EXD3: variants seen among roughly 807,000 people sequenced by gnomAD.
EXD3 encodes the protein exonuclease 3'-5' domain containing 3, also known as exonuclease mut-7 homolog.
A neutral mutation model predicts 98.0 loss-of-function variants in EXD3; 92 were observed. The ratio of observed to expected loss-of-function variants is 0.94; its 90% CI spans 0.79 to 1.12. The LOEUF (loss-of-function observed/expected upper bound fraction) is 1.12. Ranked by LOEUF, EXD3 falls within the 50% of genes most tolerant of loss-of-function variation. EXD3 has a pLI of 0.00. For missense variants in EXD3, 1,222 were observed against 1,191.6 expected (o/e 1.03, Z -0.38); for synonymous variants, 569 against 526.0 (o/e 1.08, Z -1.12).
At chr9:137,388,208 C>CA (rs1275860695) in intron 2 of EXD3, among the ~76,000 whole-genome samples, 1 of 152,144 alleles carries the variant, frequency 6.6e-6, no homozygotes, top group Non-Finnish European at 1.5e-5. Context: ...CTGGCTTCCC[C>CA]CCCAGCCACC....
chr9:137,415,308 G>A (rs1263547259), intron 1 of EXD3, among the ~76,000 whole-genome samples: 5 of 151,244 alleles, frequency 3.3e-5, no homozygotes, highest in East Asian at 1.9e-4. Context: ...GGTTCAAACC[G>A]TTTTCCTGCC....
In EXD3 at chr9:137,306,957, G is replaced by A. The variant is rs770410177; in HGVS notation, c.2624C>T (p.Pro875Leu). Residue 875 changes from proline (P) to leucine (L), a missense_variant, in exon 22 of 22, where the codon CCC becomes CTC. Physicochemically the swap from Pro to Leu is moderately conservative, Grantham distance 98. Coordinates refer to ENST00000340951, the MANE Select transcript of EXD3 (RefSeq NM_017820.5). ...TTTATTGTCTGGCTGTCCTCAGAAG[G>A]GACTGCTGGCCGGGCTGGGGGCTGG... ...PSPAPSPASS[P>L]F The A allele has an allele frequency of 2.5e-6, 4 of 1,577,586 alleles. No individual in the cohort carries two copies. The highest frequency in any genetic ancestry group is 2.7e-5 in the African/African-American group (2 of 74,326).
chr9:137,372,975 A>G lies in EXD3; in HGVS notation c.392T>C (p.Leu131Pro). The G allele has an allele frequency of 1.9e-6, 3 of 1,604,312 alleles. No individual in the cohort carries two copies. The South Asian group carries it at 3.3e-5, about 18-fold the overall frequency. ...LAAPLASIFQ[L>P]QDADRSCLLA... ...CAGGCAGCTCCTGTCTGCATCCTGC[A>G]GCTGGAAGATGCTGGCCAGTGGTGC... Residue 131 changes from leucine to proline, a missense_variant, in exon 5 of 22, where the codon CTG becomes CCG. Transcript: ENST00000340951.
At chr9:137,401,313 C>T (rs1837473143) in intron 1 of EXD3, among the ~76,000 whole-genome samples, 1 of 152,102 alleles carries the variant, frequency 6.6e-6, no homozygotes, top group Non-Finnish European at 1.5e-5. Flanking sequence ...GCCACCACAC[C>T]CGACTAAATA....
chr9:137,309,761 G>C, intron 19 of EXD3, 61 bp from the exon 20 acceptor site: 1 of 1,294,844 alleles, frequency 7.7e-7, no homozygotes, highest in South Asian at 1.3e-5. Context: ...CCATACCCCA[G>C]CCCTCTGCTC....
intron 19 of EXD3, among the ~76,000 whole-genome samples, chr9:137,321,720 T>C (rs1832040913): frequency 6.6e-6 from 1 of 152,102 alleles, no homozygotes; most frequent in South Asian, 2.1e-4. Flanking sequence ...CTGGGCTTGT[T>C]GGAGCAGCCC....
At chr9:137,397,053 C>T (rs1433598031) in intron 1 of EXD3, among the ~76,000 whole-genome samples, 4 of 152,226 alleles carry the variant, frequency 2.6e-5, no homozygotes, top group Non-Finnish European at 5.9e-5. Context: ...CCCCGAGCCT[C>T]CCAGGACCCG....
Position 137,398,653 on chromosome 9 carries a change from A to G in EXD3, c.-47-3249T>C, listed in dbSNP as rs558899999. 3.2e-3 allele frequency among the ~76,000 whole-genome samples: 470 copies of G among 147,042 alleles called. 5 individuals are homozygous for G. The highest frequency in any genetic ancestry group is 0.011 in the African/African-American group (432 of 39,002). ...ACACACAGGCACCCGCGTCCCCAAG[A>G]CACACAGGCGACCGCGTCCCCAAGA... On this transcript the variant is annotated intron_variant, in intron 1 of 21. Coordinates refer to ENST00000340951, the MANE Select transcript of EXD3 (RefSeq NM_017820.5).
intron 2 of EXD3, among the ~76,000 whole-genome samples, chr9:137,388,610 G>C (rs1401401307): frequency 6.6e-6 from 1 of 152,110 alleles, no homozygotes; most frequent in African/African-American, 2.4e-5. Flanking sequence ...GCCGACCCCA[G>C]CAGCGGGCGC....
At chr9:137,404,544 T>C (rs944967677) in intron 1 of EXD3, among the ~76,000 whole-genome samples, 1 of 152,216 alleles carries the variant, frequency 6.6e-6, no homozygotes, top group African/African-American at 2.4e-5. Context: ...ATTTGCAAAT[T>C]CTGAAAAATC....
In EXD3 at chr9:137,309,765, T is replaced by C. The variant is rs550942592; in HGVS notation, c.2185-65A>G. On this transcript the variant is annotated intron_variant, in intron 19 of 21. Transcript: ENST00000340951. Reference sequence around the variant, plus strand: ...CTCCGGGTGCCCCATACCCCAGCCCTCTGCTCGCTCCTCGAAGCTCTGGGT... The same window carrying C: ...CTCCGGGTGCCCCATACCCCAGCCCCCTGCTCGCTCCTCGAAGCTCTGGGT... The C allele has an allele frequency of 8.9e-6, 11 of 1,236,748 alleles. No individual in the cohort carries two copies. The South Asian group carries it at 1.2e-4, about 13-fold the overall frequency. 76.6% of individuals were successfully genotyped at this position (1,236,748 alleles called of 1,614,324 possible). A position where few individuals can be genotyped will look rare whatever the true frequency, so the allele number is the denominator to read the frequency against.
chr9:137,373,321 CT>C, intron 4 of EXD3, 104 bp downstream of exon 4: 1 of 1,382,678 alleles, frequency 7.2e-7, no homozygotes, highest in Non-Finnish European at 9.8e-7. Context: ...CCTTCCCTGG[CT>C]TGCTGAGCGG....
intron 7 of EXD3, 28 bp downstream of exon 7, chr9:137,366,465 C>A (rs1392111573): frequency 3.3e-6 from 5 of 1,535,612 alleles, no homozygotes; most frequent in Admixed American, 2.0e-5. Context: ...CCATCTGGTG[C>A]CAGCTGCCAG....
rs1837058048 is a variant in EXD3, at chr9:137,393,676, A to C, written c.55+1627T>G. 6.6e-6 allele frequency among the ~76,000 whole-genome samples: 1 copy of C among 152,188 alleles called. No individual in the cohort carries two copies. On this transcript the variant is annotated intron_variant, in intron 2 of 21. Coordinates refer to ENST00000340951, the MANE Select transcript of EXD3 (RefSeq NM_017820.5). The surrounding 1 kb of genome is among the most constrained non-coding windows in gnomAD (Gnocchi z 4.6). ...GCCCGAGGAGGCAACTGCGTGGGAT[A>C]GGGAAACTGAGGCAGAGAGCCTCAG... is the stretch of plus-strand genomic sequence containing the variant.
rs1226904713 is a variant in EXD3 at position 137,367,656 on chromosome 9, C to T, written c.516+280G>A. On this transcript the variant is annotated intron_variant, in intron 6 of 21. Coordinates refer to ENST00000340951, the MANE Select transcript of EXD3 (RefSeq NM_017820.5). ...GTCCTCGAGGCAGCTGGTGCCCACTCCAGGGAAGGGGTGGCCCCAGCTGCT... is the reference window on the plus strand; with the variant it reads ...GTCCTCGAGGCAGCTGGTGCCCACTTCAGGGAAGGGGTGGCCCCAGCTGCT... 16 of 396,944 alleles carry T rather than the reference C, an allele frequency of 4.0e-5. No individual in the cohort carries two copies. In the Admixed American group the frequency reaches 6.9e-4, roughly 17 times the overall value. The allele number at this position is 396,944 out of a possible 1,614,324, so 24.6% of individuals were successfully genotyped here.
In EXD3 at chr9:137,332,566, A is replaced by G. The variant is rs369527743; in HGVS notation, c.1999-8423T>C. 6.8e-3 allele frequency among the ~76,000 whole-genome samples: 827 copies of G among 122,306 alleles called. 4 individuals carry two copies. Among genetic ancestry groups the G allele is most frequent in the Middle Eastern group, 0.011 (2 of 180 alleles). 80.2% of individuals were successfully genotyped at this position (122,306 alleles called of 152,430 possible). On this transcript the variant is annotated intron_variant, in intron 17 of 21. Coordinates refer to ENST00000340951, the MANE Select transcript of EXD3 (RefSeq NM_017820.5). The stretch of plus-strand genomic sequence containing the variant: ...TGTTAAAGGGTACATGGTATTGGCC[A>G]GGCGCAGTGGCTCACGCCTGTAATC...
intron 8 of EXD3, among the ~76,000 whole-genome samples, chr9:137,355,604 A>AAGGGAGG (rs1834677663): frequency 4.3e-4 from 1 of 2,316 alleles, no homozygotes; most frequent in Non-Finnish European, 7.8e-4. Flanking sequence ...GCGGAAGGAG[A>AAGGGAGG]AAGGAGGAAG....
In EXD3 at chr9:137,352,134, G is replaced by T. The variant is rs370098734; in HGVS notation, c.1105C>A (p.Pro369Thr). 154 of 1,612,874 alleles carry T rather than the reference G, an allele frequency of 9.5e-5. No homozygotes were observed. In the Middle Eastern group the frequency reaches 2.6e-3, roughly 28 times the overall value. ...GCCAGGAGGTGGACGTTCTCCCTGG[G>T]GATGGGCAGCTGGTAGTAACGGTCC... ...MKDRYYQLPIPRENVHLLASW... is the reference protein window; with the variant it reads ...MKDRYYQLPITRENVHLLASW... The change falls in exon 12 of 22, where the codon CCC (proline) becomes ACC (threonine). Residue 369 changes from proline (P) to threonine (T), a missense_variant. Physicochemically the swap from Pro to Thr is conservative, Grantham distance 38 (BLOSUM62 -1). Coordinates refer to ENST00000340951, the MANE Select transcript of EXD3 (RefSeq NM_017820.5).
chr9:137,325,313 G>A (rs1480180639), intron 17 of EXD3, among the ~76,000 whole-genome samples: 1 of 152,198 alleles, frequency 6.6e-6, no homozygotes, highest in African/African-American at 2.4e-5. Flanking sequence ...CACATCCAAG[G>A]ACTCAGGAGC....
Sources: allele counts gnomAD v4.1 joint callset (sites outside exome capture counted in the v4.1 genomes callset), GRCh38; gene constraint gnomAD v4.1.1; non-coding constraint Gnocchi (gnomAD v3.1); transcripts MANE v1.5; gene names NCBI Gene and HGNC (gene_info 2026-07-23, HGNC 2026-07-21).